The following BBX variants were observed in gnomAD, a reference collection of about 807,000 sequenced individuals.
The protein encoded by BBX is HMG box transcription factor BBX.
Under a neutral mutation model 100.2 loss-of-function variants are expected in BBX, and 30 were observed. That is an observed-to-expected ratio of 0.30 (90% CI 0.22 to 0.41). BBX has a LOEUF of 0.41. Among genes scored for constraint, BBX ranks in the 10% least tolerant of loss-of-function variants. The pLI is 1.00. For missense variants in BBX, 1,023 were observed against 1,129.8 expected (o/e 0.91, Z 1.35); for synonymous variants, 376 against 388.1 (o/e 0.97, Z 0.37).
chr3:107,796,273 C>G (rs1339275104), intron 15 of BBX, among the ~76,000 whole-genome samples: 1 of 152,172 alleles, frequency 6.6e-6, no homozygotes, highest in Non-Finnish European at 1.5e-5. Flanking sequence ...TTCTGGTATC[C>G]ATGCCTTTTC....
At chr3:107,569,183 T>A (rs1361563604) in intron 2 of BBX, among the ~76,000 whole-genome samples, 1 of 152,242 alleles carries the variant, frequency 6.6e-6, no homozygotes, top group Non-Finnish European at 1.5e-5. Flanking sequence ...CATAACAATC[T>A]TAAGAATATA....
chr3:107,535,067 G>A (rs544649351), intron 2 of BBX, among the ~76,000 whole-genome samples: 13 of 152,314 alleles, frequency 8.5e-5, no homozygotes, highest in Non-Finnish European at 1.5e-4. Flanking sequence ...TAAATCTCAG[G>A]TTGAATAACT....
intron 12 of BBX, 80 bp from the exon 13 acceptor site, chr3:107,778,291 T>C: frequency 6.5e-7 from 1 of 1,532,052 alleles, no homozygotes; most frequent in Non-Finnish European, 9.0e-7. Flanking sequence ...TCAAATAGAA[T>C]ATCCTAAAAT....
At chr3:107,628,898 A>G (rs1331388658) in intron 2 of BBX, among the ~76,000 whole-genome samples, 1 of 152,190 alleles carries the variant, frequency 6.6e-6, no homozygotes, top group Non-Finnish European at 1.5e-5. Context: ...TTTTGCCTAG[A>G]GAAATTCTAG....
At chr3:107,688,381 C>G (rs17206015) in intron 3 of BBX, among the ~76,000 whole-genome samples, 1,753 of 152,302 alleles carry the variant, frequency 0.012, 21 homozygotes, top group Non-Finnish European at 0.02. Flanking sequence ...GTAAGAGAAT[C>G]CAGGTCACAG....
chr3:107,784,773 C>G (rs1053212407), intron 13 of BBX, among the ~76,000 whole-genome samples: 2 of 151,116 alleles, frequency 1.3e-5, no homozygotes, highest in Non-Finnish European at 3.0e-5. Context: ...AAACCAAACT[C>G]AAAGGAAGCA....
At chr3:107,713,085 C>T (rs1210429605) in intron 4 of BBX, among the ~76,000 whole-genome samples, 1 of 152,196 alleles carries the variant, frequency 6.6e-6, no homozygotes, top group East Asian at 1.9e-4. Context: ...GCTGATTTCT[C>T]TCATTTGAGA....
At chr3:107,648,379 A>C (rs1247612140) in intron 3 of BBX, among the ~76,000 whole-genome samples, 2 of 152,174 alleles carry the variant, frequency 1.3e-5, no homozygotes, top group Non-Finnish European at 2.9e-5. Flanking sequence ...ATTACTGCAA[A>C]CTGGACCCTC....
chr3:107,627,028 C>A (rs2056230648), intron 2 of BBX, among the ~76,000 whole-genome samples: 1 of 152,146 alleles, frequency 6.6e-6, no homozygotes. Context: ...AGAGTAGAAG[C>A]CACAATGTCT....
chr3:107,608,364 A>C (rs1169567936), intron 2 of BBX, among the ~76,000 whole-genome samples: 1 of 152,184 alleles, frequency 6.6e-6, no homozygotes, highest in Non-Finnish European at 1.5e-5. Context: ...CCTTTGTCAA[A>C]AATGAGTTCA....
At chr3:107,805,142 T>C (rs2070956433) in intron 17 of BBX, among the ~76,000 whole-genome samples, 1 of 151,568 alleles carries the variant, frequency 6.6e-6, no homozygotes, top group South Asian at 2.1e-4. Flanking sequence ...AATTCAGATA[T>C]AAAATCTTAG....
intron 3 of BBX, among the ~76,000 whole-genome samples, chr3:107,646,996 G>A (rs1451696265): frequency 2.6e-5 from 4 of 152,016 alleles, no homozygotes; most frequent in African/African-American, 7.2e-5. Context: ...ATTTATAATA[G>A]GTCATTTAAA....
At chr3:107,647,287 C>G (rs1019431338) in intron 3 of BBX, among the ~76,000 whole-genome samples, 1 of 152,134 alleles carries the variant, frequency 6.6e-6, no homozygotes, top group Non-Finnish European at 1.5e-5. Flanking sequence ...TGGCAGTATT[C>G]TGAATTTGCT....
chr3:107,768,588 AAACTTAAT>A (rs1469089620), intron 10 of BBX, among the ~76,000 whole-genome samples: 1 of 152,056 alleles, frequency 6.6e-6, no homozygotes, highest in East Asian at 1.9e-4. Flanking sequence ...TTGAAGAGAT[AAACTTAAT>A]AAGAAAAAAT....
At chr3:107,662,643 G>GTTTTTTTTTTTTTTTTTT (rs36097681) in intron 3 of BBX, 1 of 126,266 alleles carries the variant, frequency 7.9e-6, no homozygotes, top group African/African-American at 3.0e-5. Flanking sequence ...ACAAGTCTGG[G>GTTTTTTTTTTTTTTTTTT]TTTTTTTTTT....
intron 7 of BBX, among the ~76,000 whole-genome samples, chr3:107,737,880 T>TC (rs2063742455): frequency 7.4e-6 from 1 of 135,104 alleles, no homozygotes; most frequent in African/African-American, 2.6e-5. Flanking sequence ...ACTTCAGAGT[T>TC]CCAGTTTTTT....
intron 3 of BBX, among the ~76,000 whole-genome samples, chr3:107,708,736 T>C (rs1002085734): frequency 6.6e-6 from 1 of 152,072 alleles, no homozygotes; most frequent in Non-Finnish European, 1.5e-5. Flanking sequence ...TAGAAAATGA[T>C]TTTATTAAAA....
At position 107,712,851 on chromosome 3, in the gene BBX, A is replaced by T. The variant is rs1258295193; in HGVS notation, c.162+2229A>T. 2.6e-5 allele frequency among the ~76,000 whole-genome samples: 4 copies of T among 152,320 alleles called. No individual in the cohort carries two copies. The East Asian group carries it at 7.7e-4, about 29-fold the overall frequency. On this transcript the variant is annotated intron_variant, in intron 4 of 17. Transcript: ENST00000325805. Reference sequence around the variant, plus strand: ...CAGCACCTAGAAGAGTGGCTGGCTCATAGCAGGAACCCAGTAAATATTTAT... The same window carrying T: ...CAGCACCTAGAAGAGTGGCTGGCTCTTAGCAGGAACCCAGTAAATATTTAT...
In BBX at chr3:107,805,646, T is replaced by A; in HGVS notation, c.*189T>A. Reference sequence around the variant, plus strand: ...CAGTTTGTTCTCTCAGAACCCAGAATCTTTGAGGGTAAGGTTATCTGTCTG... The same window carrying A: ...CAGTTTGTTCTCTCAGAACCCAGAAACTTTGAGGGTAAGGTTATCTGTCTG... On this transcript the variant is annotated 3_prime_UTR_variant, in exon 18 of 18. Transcript: ENST00000325805. 1 of 1,077,680 alleles carries A rather than the reference T, an allele frequency of 9.3e-7. No homozygotes were observed. The highest frequency in any genetic ancestry group is 1.3e-6 in the Non-Finnish European group (1 of 760,772). The allele number at this position is 1,077,680 out of a possible 1,614,324, so 66.8% of individuals were successfully genotyped here.
Sources: allele counts gnomAD v4.1 joint callset (sites outside exome capture counted in the v4.1 genomes callset), GRCh38; gene constraint gnomAD v4.1.1; transcripts MANE v1.5; gene names NCBI Gene and HGNC (gene_info 2026-07-23, HGNC 2026-07-21).